The following ATP8A2 variants were observed in gnomAD, a reference collection of about 807,000 sequenced individuals.
ATP8A2 encodes the protein phospholipid-transporting ATPase IB.
ATP8A2 carries 100 observed loss-of-function variants against 165.6 expected under a neutral mutation model. The ratio of observed to expected loss-of-function variants is 0.60; its 90% confidence interval spans 0.51 to 0.71. The LOEUF is 0.71. Ranked by LOEUF, ATP8A2 falls within the 30% of genes least tolerant of loss-of-function variation. The pLI is 0.00. For missense variants in ATP8A2, 1,227 were observed against 1,479.5 expected, an observed-to-expected ratio of 0.83 and a Z score of 2.80; for synonymous variants, 543 against 548.8, an observed-to-expected ratio of 0.99 and a Z score of 0.15.
chr13:25,891,692 C>G (rs1170060982), intron 33 of ATP8A2, among the ~76,000 whole-genome samples: 1 of 152,050 alleles, frequency 6.6e-6, no homozygotes, highest in African/African-American at 2.4e-5. Flanking sequence ...TTAGGGGGCT[C>G]TGTGAGGTGG....
chr13:25,866,212 C>T (rs1276840652), intron 33 of ATP8A2, among the ~76,000 whole-genome samples: 1 of 152,186 alleles, frequency 6.6e-6, no homozygotes, highest in Non-Finnish European at 1.5e-5. Flanking sequence ...AGTCCGGAGA[C>T]CTGGCTCTGT....
chr13:25,443,601 G>C (rs1164439560), intron 1 of ATP8A2, among the ~76,000 whole-genome samples: 3 of 152,220 alleles, frequency 2.0e-5, no homozygotes, highest in South Asian at 2.1e-4. Context: ...CATGATTCAA[G>C]TTAAACAGCC....
chr13:25,756,473 T>C (rs1228556335), intron 25 of ATP8A2, among the ~76,000 whole-genome samples: 4 of 152,092 alleles, frequency 2.6e-5, no homozygotes, highest in Non-Finnish European at 4.4e-5. Flanking sequence ...CACGGCCCAG[T>C]TGCTCAGCAG....
In ATP8A2 at chr13:26,025,647, C is replaced by G. The variant is rs375771241; in HGVS notation, c.*5662C>G. 1 of 152,192 alleles carries G rather than the reference C, an allele frequency of 6.6e-6. No homozygotes were observed. The highest frequency in any genetic ancestry group is 2.4e-5 in the African/African-American group (1 of 41,440). The allele number at this position is 152,192 out of a possible 1,614,324, so 9.4% of individuals were successfully genotyped here. ...CCCTCTAGAAGTGTTACCGTTTTCA[C>G]GTCCTATTAATGTCCTCTGGTTGTT... On this transcript the variant is annotated 3_prime_UTR_variant, in exon 37 of 37. Coordinates refer to ENST00000381655, the MANE Select transcript of ATP8A2 (RefSeq NM_016529.6).
At chr13:25,570,418 G>A (rs2039432104) in intron 16 of ATP8A2, among the ~76,000 whole-genome samples, 1 of 152,190 alleles carries the variant, frequency 6.6e-6, no homozygotes, top group Non-Finnish European at 1.5e-5. Flanking sequence ...TGGGGAGGCG[G>A]AAGCACGTGG....
At chr13:25,575,294 T>C (rs2039585495) in intron 19 of ATP8A2, among the ~76,000 whole-genome samples, 1 of 152,212 alleles carries the variant, frequency 6.6e-6, no homozygotes, top group South Asian at 2.1e-4. Context: ...TTCATCCCAT[T>C]AGAGGCTGGG....
At chr13:25,727,814 G>A (rs537330867) in intron 25 of ATP8A2, among the ~76,000 whole-genome samples, 13 of 152,042 alleles carry the variant, frequency 8.6e-5, no homozygotes, top group Non-Finnish European at 4.4e-5. Flanking sequence ...ATTTCCTACC[G>A]ATTTGCCCTA....
chr13:25,566,149 A>G (rs1006355765), intron 16 of ATP8A2, among the ~76,000 whole-genome samples: 1 of 152,078 alleles, frequency 6.6e-6, no homozygotes, highest in Non-Finnish European at 1.5e-5. Flanking sequence ...ATGTGAGTGT[A>G]TAAGGCTCGC....
rs192015057 is a variant in ATP8A2 at position 25,776,666 on chromosome 13, A to G, written c.2679+1707A>G. Among the ~76,000 whole-genome samples, 899 of 151,796 alleles carry G rather than the reference A, an allele frequency of 5.9e-3. 10 individuals carry two copies. Among genetic ancestry groups the G allele is most frequent in the African/African-American group, 0.021 (861 of 41,348 alleles). On this transcript the variant is annotated intron_variant, in intron 27 of 36. Coordinates refer to ENST00000381655, the MANE Select transcript of ATP8A2 (RefSeq NM_016529.6). ...TTTTTCTGTGTCTGTGGTAGGAGTC[A>G]CTCCTCAACGTCACTCAAGGTCATG... is the stretch of plus-strand genomic sequence containing the variant.
rs1337023645 is a variant in ATP8A2 at position 25,570,936 on chromosome 13, T to C, written c.1579+64T>C. The C allele has an allele frequency of 2.0e-5, 24 of 1,206,092 alleles. No individual in the cohort carries two copies. The Admixed American group carries it at 2.5e-4, about 13-fold the overall frequency. The allele number at this position is 1,206,092 out of a possible 1,614,324, so 74.7% of individuals were successfully genotyped here. ...TCAGGACACCTGGGTGTTGCAGTTA[T>C]TCTTGGAGGTGTTGCCATGTAGTCC... On this transcript the variant is annotated intron_variant, in intron 17 of 36. Transcript: ENST00000381655.
intron 35 of ATP8A2, among the ~76,000 whole-genome samples, chr13:26,003,271 C>G (rs890224288): frequency 4.0e-5 from 6 of 150,998 alleles, no homozygotes; most frequent in African/African-American, 1.5e-4. Context: ...ACTGGCCTTT[C>G]TCTGATGGTT....
At chr13:25,560,804 C>G (rs962032761) in intron 15 of ATP8A2, among the ~76,000 whole-genome samples, 10 of 151,810 alleles carry the variant, frequency 6.6e-5, no homozygotes, top group African/African-American at 2.4e-4. Context: ...TGCTCCACCC[C>G]CTTTGGAAGC....
At chr13:25,786,231 A>G (rs1303003384) in intron 27 of ATP8A2, among the ~76,000 whole-genome samples, 2 of 152,210 alleles carry the variant, frequency 1.3e-5, no homozygotes, top group Non-Finnish European at 2.9e-5. Flanking sequence ...TTCTAACGAT[A>G]CATCTGAGCT....
chr13:26,013,539 C>T (rs912371798), intron 36 of ATP8A2, among the ~76,000 whole-genome samples: 3 of 152,002 alleles, frequency 2.0e-5, no homozygotes, highest in Non-Finnish European at 4.4e-5. Flanking sequence ...CTGGGCGTGA[C>T]GGCACATGCC....
chr13:25,683,370 T>A lies in ATP8A2; in HGVS notation c.2212-15803T>A, dbSNP rs187950291. ...TGTTAGTGTTCTAGACACATAAGTT[T>A]CTTAAAATGCGTGATTTCGTAGTAG... On this transcript the variant is annotated intron_variant, in intron 24 of 36. Transcript: ENST00000381655. Among the ~76,000 whole-genome samples the A allele has an allele frequency of 6.6e-5, 10 of 152,328 alleles. No individual in the cohort carries two copies. The East Asian group carries it at 1.9e-3, about 29-fold the overall frequency.
At chr13:25,441,519 C>T (rs17082311) in intron 1 of ATP8A2, among the ~76,000 whole-genome samples, 5,047 of 152,256 alleles carry the variant, frequency 0.033, 283 homozygotes, top group African/African-American at 0.11. Flanking sequence ...TTCTGGGCTT[C>T]TCCTGGCCTC....
chr13:25,649,003 C>T (rs1211246239), intron 24 of ATP8A2: 3 of 505,834 alleles, frequency 5.9e-6, no homozygotes, highest in African/African-American at 1.9e-5. Context: ...TTATTGATCT[C>T]CCTTTCATTA....
intron 33 of ATP8A2, among the ~76,000 whole-genome samples, chr13:25,921,204 C>T (rs983602186): frequency 8.5e-5 from 13 of 152,182 alleles, no homozygotes; most frequent in African/African-American, 3.1e-4. Context: ...GGAATGAGAT[C>T]TTAGCAAAAT....
intron 1 of ATP8A2, among the ~76,000 whole-genome samples, chr13:25,388,410 T>G (rs574854954): frequency 1.3e-5 from 2 of 152,202 alleles, no homozygotes; most frequent in African/African-American, 4.8e-5. Flanking sequence ...AAGACTCACG[T>G]CTCTAACAAC....
Sources: gnomAD v4.1 joint callset for allele counts (sites outside exome capture counted in the v4.1 genomes callset) on GRCh38, gnomAD v4.1.1 for gene constraint, MANE v1.5 for transcripts, NCBI Gene and HGNC (gene_info 2026-07-23, HGNC 2026-07-21) for gene names.